MMP16: variants seen among roughly 807,000 people sequenced by gnomAD.
MMP16 encodes the protein matrix metallopeptidase 16.
A neutral mutation model predicts 67.8 loss-of-function variants in MMP16; 12 were observed. The ratio of observed to expected loss-of-function variants is 0.18; its 90% CI spans 0.11 to 0.29. MMP16 has a LOEUF of 0.29. MMP16 is among the 10% of genes least tolerant of loss of function. MMP16 has a pLI of 1.00. For synonymous variants in MMP16, 249 were observed against 255.9 expected (o/e 0.97, Z 0.26); for missense variants, 475 against 765.7 (o/e 0.62, Z 4.48).
intron 3 of MMP16, among the ~76,000 whole-genome samples, chr8:88,175,471 C>T (rs999827349): frequency 3.9e-5 from 6 of 152,288 alleles, no homozygotes; most frequent in African/African-American, 1.4e-4. Context: ...AATTTCTTAA[C>T]ACCTTACATA....
At chr8:88,244,430 A>T (rs141744237) in intron 1 of MMP16, among the ~76,000 whole-genome samples, 1 of 152,352 alleles carries the variant, frequency 6.6e-6, no homozygotes, top group African/African-American at 2.4e-5. Flanking sequence ...AAGAGGAGTA[A>T]TTTAAGGCAA....
chr8:88,102,358 C>T (rs1274183176), intron 6 of MMP16, among the ~76,000 whole-genome samples: 3 of 151,816 alleles, frequency 2.0e-5, no homozygotes, highest in African/African-American at 4.8e-5. Context: ...GAAACACATA[C>T]ATTTACCAGT....
chr8:88,293,597 T>C (rs547609113), intron 1 of MMP16, among the ~76,000 whole-genome samples: 3 of 152,232 alleles, frequency 2.0e-5, no homozygotes, highest in South Asian at 2.1e-4. Context: ...AAGGGTATTA[T>C]GGAAATCCTT....
At chr8:88,312,699 C>T (rs1204069022) in intron 1 of MMP16, among the ~76,000 whole-genome samples, 6 of 152,168 alleles carry the variant, frequency 3.9e-5, no homozygotes, top group Middle Eastern at 3.4e-3. Flanking sequence ...CCAGGCACAG[C>T]GGCTCATGTT....
intron 1 of MMP16, among the ~76,000 whole-genome samples, chr8:88,263,697 TAAG>T (rs1810425727): frequency 1.3e-5 from 2 of 152,148 alleles, no homozygotes; most frequent in African/African-American, 4.8e-5. Flanking sequence ...CTCCTTTATA[TAAG>T]GACACCAGTC....
chr8:88,137,389 C>T (rs1202631509), intron 4 of MMP16, among the ~76,000 whole-genome samples: 2 of 151,936 alleles, frequency 1.3e-5, no homozygotes, highest in Admixed American at 6.6e-5. Context: ...TCTTTAAATA[C>T]GTTAAAGCTG....
chr8:88,297,329 G>A (rs1043016060), intron 1 of MMP16, among the ~76,000 whole-genome samples: 1 of 152,204 alleles, frequency 6.6e-6, no homozygotes, highest in African/African-American at 2.4e-5. Context: ...CCCTGTAGAA[G>A]TGTTCTCCCC....
At chr8:88,127,819 G>T (rs116963610) in intron 4 of MMP16, among the ~76,000 whole-genome samples, 4 of 151,976 alleles carry the variant, frequency 2.6e-5, no homozygotes, top group Non-Finnish European at 5.9e-5. Context: ...TCATACATTT[G>T]CTTGTACCAA....
intron 1 of MMP16, among the ~76,000 whole-genome samples, chr8:88,312,642 C>T (rs1042272185): frequency 6.6e-6 from 1 of 152,154 alleles, no homozygotes; most frequent in Non-Finnish European, 1.5e-5. Flanking sequence ...AGTCCCTAGG[C>T]AATCACTGAT....
At chr8:88,287,370 T>C (rs1277086922) in intron 1 of MMP16, among the ~76,000 whole-genome samples, 1 of 152,228 alleles carries the variant, frequency 6.6e-6, no homozygotes, top group Non-Finnish European at 1.5e-5. Context: ...CTGCCCGTTC[T>C]TTGGAAGGCA....
chr8:88,097,090 C>T (rs928588125), intron 6 of MMP16, among the ~76,000 whole-genome samples: 1 of 151,924 alleles, frequency 6.6e-6, no homozygotes, highest in East Asian at 2.0e-4. Context: ...TTAAAATATT[C>T]GATGTCACCT....
At chr8:88,056,785 T>A (rs916974269) in intron 7 of MMP16, among the ~76,000 whole-genome samples, 5 of 152,170 alleles carry the variant, frequency 3.3e-5, no homozygotes, top group Non-Finnish European at 7.3e-5. Context: ...GTCTTATACA[T>A]TCATCCTCCC....
intron 6 of MMP16, 102 bp from the exon 7 acceptor site, chr8:88,074,845 T>G: frequency 7.1e-7 from 1 of 1,404,578 alleles, no homozygotes; most frequent in South Asian, 1.4e-5. Context: ...GTTTCCTTAT[T>G]TATTGTCTTA....
At chr8:88,167,579 C>T (rs944029790) in intron 4 of MMP16, 90 bp downstream of exon 4, 2 of 1,271,620 alleles carry the variant, frequency 1.6e-6, no homozygotes, top group Admixed American at 5.0e-5. Context: ...AATTTAGGAT[C>T]TATACCTTAA....
chr8:88,192,502 T>C (rs764689801), intron 2 of MMP16, among the ~76,000 whole-genome samples: 2 of 152,208 alleles, frequency 1.3e-5, no homozygotes, highest in Non-Finnish European at 2.9e-5. Context: ...TCAACCTTCC[T>C]TCTGCTGCCA....
At chr8:88,169,670 T>C (rs1265199179) in intron 3 of MMP16, among the ~76,000 whole-genome samples, 2 of 151,876 alleles carry the variant, frequency 1.3e-5, no homozygotes, top group Non-Finnish European at 2.9e-5. Context: ...GGAAACAGAG[T>C]GCAGGCAAGG....
At chr8:88,296,004 T>C (rs903981638) in intron 1 of MMP16, among the ~76,000 whole-genome samples, 22 of 151,584 alleles carry the variant, frequency 1.5e-4, no homozygotes, top group Admixed American at 2.6e-4. Flanking sequence ...TAATAAAAAT[T>C]TCATATATTA....
intron 1 of MMP16, among the ~76,000 whole-genome samples, chr8:88,292,649 T>C (rs1251364245): frequency 6.6e-6 from 1 of 152,188 alleles, no homozygotes; most frequent in Admixed American, 6.5e-5. Context: ...ATGAAATAAG[T>C]TGTATCTAGC....
At chr8:88,205,180 A>G (rs942125964) in intron 1 of MMP16, among the ~76,000 whole-genome samples, 1 of 152,176 alleles carries the variant, frequency 6.6e-6, no homozygotes, top group African/African-American at 2.4e-5. Context: ...AAAACCCCAG[A>G]AAAAATAGGT....
Sources: allele counts gnomAD v4.1 joint callset (sites outside exome capture counted in the v4.1 genomes callset), GRCh38; gene constraint gnomAD v4.1.1; transcripts MANE v1.5; gene names NCBI Gene and HGNC (gene_info 2026-07-23, HGNC 2026-07-21).